USP45: variants seen among roughly 807,000 people sequenced by gnomAD.
USP45 encodes the protein ubiquitin carboxyl-terminal hydrolase 45.
Under a neutral mutation model 95.8 loss-of-function variants are expected in USP45, and 89 were observed. The observed-to-expected ratio is 0.93, with a 90% CI of 0.78 to 1.11. USP45 has a LOEUF of 1.11. Among genes scored for constraint, USP45 ranks in the 50% least tolerant of loss-of-function variants. The pLI is 0.00. For missense variants in USP45, 898 were observed against 942.5 expected (o/e 0.95, Z 0.62); for synonymous variants, 281 against 316.2 (o/e 0.89, Z 1.18).
At chr6:99,444,372 G>C (rs772335254) in intron 14 of USP45, among the ~76,000 whole-genome samples, 1 of 152,140 alleles carries the variant, frequency 6.6e-6, no homozygotes, top group South Asian at 2.1e-4. Flanking sequence ...ATTGCATATA[G>C]GTATTTCTTC....
intron 13 of USP45, chr6:99,461,402 A>T: frequency 1.0e-6 from 1 of 985,362 alleles, no homozygotes; most frequent in Non-Finnish European, 1.2e-6. Context: ...AAGGATGTTT[A>T]TATAGGCCTA....
intron 5 of USP45, among the ~76,000 whole-genome samples, chr6:99,490,249 C>T (rs1006329655): frequency 6.6e-6 from 1 of 152,052 alleles, no homozygotes; most frequent in Non-Finnish European, 1.5e-5. Flanking sequence ...CTGCAACCTC[C>T]GCCTCCCAGG....
intron 4 of USP45, 45 bp downstream of exon 4, chr6:99,507,383 G>T: frequency 8.5e-7 from 1 of 1,177,374 alleles, no homozygotes; most frequent in Non-Finnish European, 1.2e-6. Flanking sequence ...AAAAAATTGG[G>T]GGGCTGTGGT....
rs529261468 is a variant in USP45 at position 99,473,099 on chromosome 6, T to C, written c.933+3044A>G. 1.4e-4 allele frequency among the ~76,000 whole-genome samples: 21 copies of C among 152,274 alleles called. No homozygotes were observed. In the South Asian group the frequency reaches 4.3e-3, roughly 32 times the overall value. ...ATTATCCTGTCGGTTTATTAGTTTA[T>C]TCAAATACAACATATTCAAAATAAT... On this transcript the variant is annotated intron_variant, in intron 9 of 17. Transcript: ENST00000500704.
intron 13 of USP45, among the ~76,000 whole-genome samples, chr6:99,451,381 A>G (rs1227666622): frequency 6.6e-6 from 1 of 152,214 alleles, no homozygotes; most frequent in Admixed American, 6.5e-5. Context: ...GCATTCTTAT[A>G]CACCAATAAT....
intron 8 of USP45, among the ~76,000 whole-genome samples, 200 bp from the exon 9 acceptor site, chr6:99,476,430 A>G (rs940355128): frequency 5.9e-5 from 9 of 152,050 alleles, no homozygotes; most frequent in African/African-American, 2.2e-4. Flanking sequence ...ACAAGGCAAA[A>G]CCCCGTTCTC....
rs1583469205 is a variant in USP45, at chr6:99,507,530, C to A, written c.275G>T (p.Gly92Val). 5.0e-6 allele frequency: 8 copies of A among 1,595,776 alleles called. No homozygotes were observed. The East Asian group carries it at 1.3e-4, about 27-fold the overall frequency. ...IWLCLKCGFQ[G>V]CGKNSESQHS... ...TTGGCTTTCTGAGTTTTTACCACATCCCTGAAGATGAACAGAATTTTATTT... is the reference window on the plus strand; with the variant it reads ...TTGGCTTTCTGAGTTTTTACCACATACCTGAAGATGAACAGAATTTTATTT... The change falls in exon 4 of 18, where the codon GGA (glycine) becomes GTA (valine). Residue 92 changes from glycine (G) to valine (V), a missense_variant and splice_region_variant. Gly to Val is a moderately radical substitution (Grantham distance 109). Coordinates refer to ENST00000500704, the MANE Select transcript of USP45 (RefSeq NM_001346022.3).
intron 8 of USP45, 169 bp downstream of exon 8, chr6:99,482,584 G>T: frequency 1.9e-6 from 1 of 540,514 alleles, no homozygotes. Flanking sequence ...TTCTTCTGAG[G>T]ACTGAGATAT....
Position 99,435,863 on chromosome 6 carries a change from A to C in USP45, c.2315-17T>G. The C allele has an allele frequency of 6.2e-7, 1 of 1,601,326 alleles. No homozygotes were observed. The highest frequency in any genetic ancestry group is 2.2e-5 in the East Asian group (1 of 44,470). On this transcript the variant is annotated splice_polypyrimidine_tract_variant and intron_variant, in intron 17 of 17. Transcript: ENST00000500704. ...CTTTCAAACCTAGCAAAACAAAAAG[A>C]AGTACAATTTTAAAGTAAGTATGCT...
chr6:99,458,386 T>C (rs549550373), intron 13 of USP45, among the ~76,000 whole-genome samples: 5 of 152,234 alleles, frequency 3.3e-5, no homozygotes, highest in South Asian at 2.1e-4. Context: ...ACACCATCCA[T>C]GTACAAGCAC....
At chr6:99,461,174 G>A (rs1786375659) in intron 13 of USP45, 1 of 985,170 alleles carries the variant, frequency 1.0e-6, no homozygotes, top group Middle Eastern at 5.2e-4. Flanking sequence ...TGAACTTTTG[G>A]ATTTCTTTCT....
chr6:99,516,439 T>C (rs1423101331), upstream of USP45, among the ~76,000 whole-genome samples: 1 of 152,226 alleles, frequency 6.6e-6, no homozygotes, highest in Admixed American at 6.5e-5. Context: ...AATCAGAAGA[T>C]ACGAGAGTTA....
chr6:99,498,195 G>C (rs1160357425), intron 5 of USP45, among the ~76,000 whole-genome samples: 1 of 152,080 alleles, frequency 6.6e-6, no homozygotes, highest in Non-Finnish European at 1.5e-5. Flanking sequence ...GCAGCATCTG[G>C]TACAAAGCAG....
At chr6:99,479,765 C>T (rs928978649) in intron 8 of USP45, among the ~76,000 whole-genome samples, 1 of 152,170 alleles carries the variant, frequency 6.6e-6, no homozygotes, top group Non-Finnish European at 1.5e-5. Flanking sequence ...ATCACACTTA[C>T]GTGTGAAAGA....
At chr6:99,505,172 T>A (rs1798233360) in intron 4 of USP45, among the ~76,000 whole-genome samples, 1 of 152,294 alleles carries the variant, frequency 6.6e-6, no homozygotes, top group African/African-American at 2.4e-5. Context: ...TTGGCGCTTA[T>A]TTGGAGGCAG....
At chr6:99,469,484 ATAT>A (rs1354574277) in intron 9 of USP45, among the ~76,000 whole-genome samples, 696 of 8,798 alleles carry the variant, frequency 0.079, 4 homozygotes, top group South Asian at 0.35. Context: ...ATATATATAT[ATAT>A]TTTTTTTTTT....
At chr6:99,504,973 AAAC>A (rs35062035) in intron 4 of USP45, among the ~76,000 whole-genome samples, 11 of 152,238 alleles carry the variant, frequency 7.2e-5, no homozygotes, top group East Asian at 5.8e-4. Context: ...AAAGCTGGAA[AAAC>A]AACAACAACA....
At chr6:99,442,315 C>T (rs534220634) in intron 15 of USP45, among the ~76,000 whole-genome samples, 16 of 152,316 alleles carry the variant, frequency 1.1e-4, no homozygotes, top group African/African-American at 3.6e-4. Flanking sequence ...CATAATACAT[C>T]TGCTTCTGTT....
chr6:99,506,597 T>C (rs1286163864), intron 4 of USP45, among the ~76,000 whole-genome samples: 1 of 152,140 alleles, frequency 6.6e-6, no homozygotes, highest in Non-Finnish European at 1.5e-5. Flanking sequence ...GTGTGAGCCA[T>C]CACGCCCCAC....
Sources: allele counts gnomAD v4.1 joint callset (sites outside exome capture counted in the v4.1 genomes callset), GRCh38; gene constraint gnomAD v4.1.1; transcripts MANE v1.5; gene names NCBI Gene and HGNC (gene_info 2026-07-23, HGNC 2026-07-21).